CTNNA3: variants seen among roughly 807,000 people sequenced by gnomAD.
The protein encoded by CTNNA3 is catenin alpha 3, also known as catenin alpha-3.
Under a neutral mutation model 95.7 loss-of-function variants are expected in CTNNA3, and 76 were observed. The ratio of observed to expected loss-of-function variants is 0.79; its 90% CI spans 0.66 to 0.96. The LOEUF is 0.96. CTNNA3 is among the 40% of genes least tolerant of loss of function. The pLI, the probability that CTNNA3 is intolerant of heterozygous loss-of-function variation, is 0.00. For synonymous variants in CTNNA3, 431 were observed against 374.4 expected (o/e 1.15, Z -1.74); for missense variants, 1,191 against 1,089.8 (o/e 1.09, Z -1.31).
chr10:67,673,438 CAG>C, intron 1 of CTNNA3, among the ~76,000 whole-genome samples: 1 of 151,798 alleles, frequency 6.6e-6, no homozygotes, highest in Middle Eastern at 3.4e-3. Context: ...TGTCTTGTGC[CAG>C]TTTTCAAAGG....
chr10:67,209,777 C>CAAA (rs145387974), intron 6 of CTNNA3, among the ~76,000 whole-genome samples: 50 of 144,432 alleles, frequency 3.5e-4, no homozygotes, highest in African/African-American at 9.0e-4. Context: ...TAGTATAAGG[C>CAAA]AAAGAAAAAA....
At chr10:66,826,419 G>C (rs1157095966) in intron 7 of CTNNA3, among the ~76,000 whole-genome samples, 1 of 152,134 alleles carries the variant, frequency 6.6e-6, no homozygotes, top group African/African-American at 2.4e-5. Flanking sequence ...TGGGACTACA[G>C]GCTCACACCA....
chr10:66,598,445 C>T (rs116129523), intron 10 of CTNNA3, among the ~76,000 whole-genome samples: 92 of 152,000 alleles, frequency 6.1e-4, no homozygotes, highest in Middle Eastern at 3.4e-3. Flanking sequence ...AATTGGCATC[C>T]AAATTGGAAA....
intron 10 of CTNNA3, among the ~76,000 whole-genome samples, chr10:66,547,483 C>T (rs1842075845): frequency 6.6e-6 from 1 of 151,188 alleles, no homozygotes; most frequent in African/African-American, 2.4e-5. Flanking sequence ...GCTGGGACTA[C>T]AGGCGCCCGC....
At chr10:66,397,252 A>C (rs1472463518) in intron 11 of CTNNA3, among the ~76,000 whole-genome samples, 1 of 151,742 alleles carries the variant, frequency 6.6e-6, no homozygotes, top group Non-Finnish European at 1.5e-5. Flanking sequence ...ATACTATTAA[A>C]ATTATACTCT....
intron 1 of CTNNA3, among the ~76,000 whole-genome samples, chr10:67,757,785 C>G (rs1377827202): frequency 6.6e-6 from 1 of 152,164 alleles, no homozygotes; most frequent in African/African-American, 2.4e-5. Flanking sequence ...AATCTGCGGA[C>G]AGCCTATCGT....
intron 5 of CTNNA3, among the ~76,000 whole-genome samples, chr10:67,252,884 A>C (rs951876135): frequency 6.6e-6 from 1 of 152,206 alleles, no homozygotes; most frequent in African/African-American, 2.4e-5. Context: ...TTAATCACTT[A>C]TTATGCACTG....
chr10:66,415,410 T>C (rs529460357), intron 11 of CTNNA3, among the ~76,000 whole-genome samples: 1 of 152,108 alleles, frequency 6.6e-6, no homozygotes, highest in African/African-American at 2.4e-5. Context: ...AATGACAGCA[T>C]GCACCACAAG....
At chr10:66,560,240 T>G (rs1273966756) in intron 10 of CTNNA3, among the ~76,000 whole-genome samples, 2 of 152,070 alleles carry the variant, frequency 1.3e-5, no homozygotes, top group Non-Finnish European at 2.9e-5. Flanking sequence ...GTAGTCAGAT[T>G]ATTCAGGTTT....
chr10:66,200,980 G>A lies in CTNNA3; in HGVS notation c.1884+79490C>T, dbSNP rs563583071. Reference sequence around the variant, plus strand: ...CTGACACCATGAAACCAGTGTTGCCGACCCATGTGACACCCTGAAACTCAG... The same window carrying A: ...CTGACACCATGAAACCAGTGTTGCCAACCCATGTGACACCCTGAAACTCAG... On this transcript the variant is annotated intron_variant, in intron 13 of 17. Coordinates refer to ENST00000433211, the MANE Select transcript of CTNNA3 (RefSeq NM_013266.4). Among the ~76,000 whole-genome samples the A allele has an allele frequency of 5.3e-5, 8 of 152,022 alleles. No individual in the cohort carries two copies. The South Asian group carries it at 8.3e-4, about 16-fold the overall frequency.
intron 12 of CTNNA3, among the ~76,000 whole-genome samples, chr10:66,328,903 CATATATACATATATAT>C (rs1390027371): frequency 2.6e-5 from 1 of 38,766 alleles, no homozygotes; most frequent in Non-Finnish European, 6.9e-5. Context: ...CACACACACA[CATATATACATATATAT>C]ATATATATAT....
intron 15 of CTNNA3, among the ~76,000 whole-genome samples, chr10:66,054,091 G>C (rs1048428927): frequency 3.9e-5 from 6 of 152,150 alleles, no homozygotes; most frequent in Non-Finnish European, 8.8e-5. Context: ...ATATTCCATT[G>C]TGTATATGTA....
intron 7 of CTNNA3, among the ~76,000 whole-genome samples, chr10:66,986,758 T>C (rs953322787): frequency 6.6e-6 from 1 of 152,170 alleles, no homozygotes; most frequent in Non-Finnish European, 1.5e-5. Flanking sequence ...TCATACTACC[T>C]ATCTGCAGTT....
chr10:66,620,487 G>A (rs904995409), intron 10 of CTNNA3, among the ~76,000 whole-genome samples: 5 of 152,146 alleles, frequency 3.3e-5, no homozygotes, highest in Admixed American at 3.3e-4. Flanking sequence ...AAACCAATGA[G>A]AGATACTTAA....
At chr10:66,482,038 A>T (rs534358780) in intron 11 of CTNNA3, among the ~76,000 whole-genome samples, 15 of 152,260 alleles carry the variant, frequency 9.9e-5, no homozygotes, top group African/African-American at 3.6e-4. Flanking sequence ...ATTTATGTGT[A>T]TGTTTTTGTA....
chr10:67,390,391 T>G (rs887565136), intron 5 of CTNNA3, among the ~76,000 whole-genome samples: 1 of 152,026 alleles, frequency 6.6e-6, no homozygotes, highest in African/African-American at 2.4e-5. Context: ...AACAACAGGA[T>G]CTGAAATTGT....
upstream of CTNNA3, among the ~76,000 whole-genome samples, chr10:67,701,102 C>A (rs1841035496): frequency 6.6e-6 from 1 of 152,114 alleles, no homozygotes; most frequent in Non-Finnish European, 1.5e-5. Context: ...AACGAAAAAG[C>A]CTCCAAGAAA....
intron 12 of CTNNA3, among the ~76,000 whole-genome samples, chr10:66,370,674 C>T (rs1238679714): frequency 6.6e-6 from 1 of 152,064 alleles, no homozygotes; most frequent in Non-Finnish European, 1.5e-5. Flanking sequence ...TGAGCAGCCA[C>T]TTCTTTTCTC....
chr10:67,614,210 G>T (rs1843573767), intron 2 of CTNNA3, among the ~76,000 whole-genome samples: 1 of 152,108 alleles, frequency 6.6e-6, no homozygotes, highest in Admixed American at 6.5e-5. Flanking sequence ...CTAGCTAGCT[G>T]CAGAGCACTG....
Sources: allele counts gnomAD v4.1 joint callset (sites outside exome capture counted in the v4.1 genomes callset), GRCh38; gene constraint gnomAD v4.1.1; transcripts MANE v1.5; gene names NCBI Gene and HGNC (gene_info 2026-07-23, HGNC 2026-07-21).